Variants in SAMD12 observed in about 807,000 individuals in gnomAD.
SAMD12 encodes sterile alpha motif domain-containing protein 12.
A neutral mutation model predicts 15.0 loss-of-function variants in SAMD12; 9 were observed. The observed-to-expected ratio is 0.60, with a 90% CI of 0.36 to 1.05. SAMD12 has a LOEUF of 1.05. Ranked by LOEUF, SAMD12 falls within the 50% of genes least tolerant of loss-of-function variation. SAMD12 has a pLI of 0.01. For synonymous variants in SAMD12, 86 were observed against 90.1 expected (o/e 0.96, Z 0.25); for missense variants, 230 against 234.2 (o/e 0.98, Z 0.12).
At chr8:118,445,997 A>T (rs923905368) in intron 2 of SAMD12, among the ~76,000 whole-genome samples, 1 of 152,190 alleles carries the variant, frequency 6.6e-6, no homozygotes, top group African/African-American at 2.4e-5. Flanking sequence ...GGAATGGATT[A>T]TCGAAGCCTA....
chr8:118,158,067 G>T, the SAMD12 span, among the ~76,000 whole-genome samples: 9 of 152,190 alleles, frequency 5.9e-5, no homozygotes, highest in Non-Finnish European at 1.3e-4. Context: ...AAGCTTTCAA[G>T]CAGCTATAGT....
At chr8:118,560,364 A>C (rs933136877) in intron 2 of SAMD12, among the ~76,000 whole-genome samples, 1 of 152,218 alleles carries the variant, frequency 6.6e-6, no homozygotes, top group African/African-American at 2.4e-5. Flanking sequence ...GTTCACTGAC[A>C]GCCATGTAGA....
chr8:118,239,979 G>C (rs1448261259), intron 4 of SAMD12: 1 of 152,064 alleles, frequency 6.6e-6, no homozygotes, highest in Non-Finnish European at 1.5e-5. Context: ...GAATATCCTA[G>C]GCAAGATGGC....
At chr8:118,572,247 T>A (rs1827031644) in intron 2 of SAMD12, among the ~76,000 whole-genome samples, 1 of 152,202 alleles carries the variant, frequency 6.6e-6, no homozygotes, top group African/African-American at 2.4e-5. Context: ...CCAATGCCTG[T>A]CCCCCTGTAG....
intron 2 of SAMD12, among the ~76,000 whole-genome samples, chr8:118,564,200 G>A (rs1428848337): frequency 7.5e-4 from 41 of 54,848 alleles, no homozygotes; most frequent in Admixed American, 4.8e-3. Flanking sequence ...CTCACCCCCC[G>A]CCACCTGCCC....
At chr8:118,464,274 G>T (rs1823521002) in intron 2 of SAMD12, among the ~76,000 whole-genome samples, 1 of 152,226 alleles carries the variant, frequency 6.6e-6, no homozygotes, top group African/African-American at 2.4e-5. Context: ...TTGCAAAACA[G>T]TGTAACATGA....
intron 1 of SAMD12, among the ~76,000 whole-genome samples, chr8:118,596,171 T>C (rs2131289595): frequency 6.6e-6 from 1 of 152,294 alleles, no homozygotes; most frequent in South Asian, 2.1e-4. Context: ...GCCAGAAGCC[T>C]GGAGTCAAGC....
At chr8:118,407,232 G>C (rs1476477572) in intron 3 of SAMD12, among the ~76,000 whole-genome samples, 5 of 151,980 alleles carry the variant, frequency 3.3e-5, no homozygotes, top group Admixed American at 1.3e-4. Flanking sequence ...TTAATTTTTT[G>C]AGGAATCGCC....
rs550370737 is a variant in SAMD12 at position 118,246,930 on chromosome 8, G to C, written c.434-49198C>G. Among the ~76,000 whole-genome samples the C allele has an allele frequency of 9.3e-4, 142 of 152,266 alleles. 1 individual carries two copies. Among genetic ancestry groups the C allele is most frequent in the African/African-American group, 1.4e-3 (59 of 41,562 alleles). On this transcript the variant is annotated intron_variant, in intron 4 of 4. Coordinates refer to the SAMD12 transcript ENST00000409003. ...ACTAGATAGTAACGTGCAATGCTTT[G>C]CTGGCTGGCAACGTGACTGAAGAGG...
At chr8:118,131,864 C>A in the SAMD12 span, among the ~76,000 whole-genome samples, 1 of 152,112 alleles carries the variant, frequency 6.6e-6, no homozygotes, top group Non-Finnish European at 1.5e-5. Context: ...TTATTGCTAT[C>A]CTGATGATAA....
chr8:118,521,043 C>A (rs893706410), intron 2 of SAMD12, among the ~76,000 whole-genome samples: 1 of 152,168 alleles, frequency 6.6e-6, no homozygotes, highest in Non-Finnish European at 1.5e-5. Context: ...CATACGTATA[C>A]ATTTCTCTTC....
chr8:118,153,469 GA>G, the SAMD12 span, among the ~76,000 whole-genome samples: 1 of 152,172 alleles, frequency 6.6e-6, no homozygotes, highest in Non-Finnish European at 1.5e-5. Context: ...TGTGGACAGA[GA>G]GGGGTAAAAA....
intron 2 of SAMD12, among the ~76,000 whole-genome samples, chr8:118,538,576 T>C (rs1825909519): frequency 6.6e-6 from 1 of 152,168 alleles, no homozygotes; most frequent in Admixed American, 6.6e-5. Flanking sequence ...CACTGTGCTC[T>C]CCCTCTCCAA....
Position 118,319,914 on chromosome 8 carries a change from T to C in SAMD12, c.433+59646A>G, listed in dbSNP as rs114278406. On this transcript the variant is annotated intron_variant, in intron 4 of 4. Coordinates refer to the SAMD12 transcript ENST00000409003. ...ACAGCTTGGCATTCAGGAAGGAAGC[T>C]TAGAACTCGCTAGAGTTAGAATCAT... 5.7e-3 allele frequency among the ~76,000 whole-genome samples: 870 copies of C among 152,294 alleles called. 6 individuals are homozygous for C. Among genetic ancestry groups the C allele is most frequent in the African/African-American group, 0.02 (831 of 41,564 alleles).
At chr8:118,166,406 A>G in the SAMD12 span, among the ~76,000 whole-genome samples, 5 of 152,142 alleles carry the variant, frequency 3.3e-5, no homozygotes, top group African/African-American at 1.2e-4. Flanking sequence ...CCTGTTGGAG[A>G]CTGGCTTTTT....
the SAMD12 span, among the ~76,000 whole-genome samples, chr8:118,140,954 A>G: frequency 6.6e-6 from 1 of 152,228 alleles, no homozygotes; most frequent in Admixed American, 6.5e-5. Context: ...AATAAGAGAT[A>G]AAGTTTTGTT....
At chr8:118,377,930 T>C (rs979843589), downstream of SAMD12, 1 of 152,204 alleles carries the variant, frequency 6.6e-6, no homozygotes, top group African/African-American at 2.4e-5. Flanking sequence ...AATTGTAATA[T>C]GAATTTGCAG....
chr8:118,490,164 G>T (rs1824402799), intron 2 of SAMD12, among the ~76,000 whole-genome samples: 1 of 152,054 alleles, frequency 6.6e-6, no homozygotes, highest in Non-Finnish European at 1.5e-5. Context: ...ACATTTTTCA[G>T]CTGTTTAGAT....
intron 2 of SAMD12, among the ~76,000 whole-genome samples, chr8:118,552,097 T>A (rs1346343604): frequency 6.6e-6 from 1 of 151,966 alleles, no homozygotes; most frequent in East Asian, 1.9e-4. Context: ...CTACCAGAGG[T>A]ACGAGGAGGA....
Sources: gnomAD v4.1 joint callset for allele counts (sites outside exome capture counted in the v4.1 genomes callset) on GRCh38, gnomAD v4.1.1 for gene constraint, MANE v1.5 for transcripts, NCBI Gene and HGNC (gene_info 2026-07-23, HGNC 2026-07-21) for gene names.